FAM184A: variants seen among roughly 807,000 people sequenced by gnomAD.
FAM184A encodes the protein protein FAM184A.
In FAM184A, 99 loss-of-function variants were observed where a neutral mutation model predicts 143.8. The observed-to-expected ratio is 0.69, with a 90% CI of 0.58 to 0.81. The LOEUF (loss-of-function observed/expected upper bound fraction) is 0.81, where lower values mean the gene tolerates loss of function less well. Among genes scored for constraint, FAM184A ranks in the 40% least tolerant of loss-of-function variants. FAM184A has a pLI of 0.00. For missense variants in FAM184A, 1,217 were observed against 1,310.5 expected (o/e 0.93, Z 1.10); for synonymous variants, 427 against 446.4 (o/e 0.96, Z 0.55).
intron 1 of FAM184A, among the ~76,000 whole-genome samples, chr6:119,147,835 C>T (rs1772503382): frequency 6.6e-6 from 1 of 152,202 alleles, no homozygotes; most frequent in Admixed American, 6.5e-5. Flanking sequence ...GTGTGCCCTG[C>T]TTCCAGTTAG....
chr6:119,076,341 T>C (rs1430703807), intron 1 of FAM184A, among the ~76,000 whole-genome samples: 1 of 151,386 alleles, frequency 6.6e-6, no homozygotes. Context: ...AACCAGAGAG[T>C]CCACGTAACA....
intron 6 of FAM184A, among the ~76,000 whole-genome samples, chr6:119,007,263 A>T (rs1297665831): frequency 6.6e-6 from 1 of 152,246 alleles, no homozygotes; most frequent in African/African-American, 2.4e-5. Flanking sequence ...GCTATAAAGT[A>T]AAAACCGCAT....
At chr6:118,986,759 T>C (rs934777050) in intron 9 of FAM184A, among the ~76,000 whole-genome samples, 6 of 152,242 alleles carry the variant, frequency 3.9e-5, no homozygotes, top group African/African-American at 1.2e-4. Flanking sequence ...ATTCAATTAA[T>C]TTTAAAAATA....
chr6:119,006,000 C>T, intron 7 of FAM184A: 1 of 684,470 alleles, frequency 1.5e-6, no homozygotes, highest in South Asian at 1.5e-5. Flanking sequence ...CCCAATACCT[C>T]AGAATGTGAC....
chr6:119,103,284 G>T (rs1788691332), intron 1 of FAM184A, among the ~76,000 whole-genome samples: 1 of 152,202 alleles, frequency 6.6e-6, no homozygotes, highest in Non-Finnish European at 1.5e-5. Flanking sequence ...CTGGATCCAA[G>T]ATGACATTGA....
chr6:118,989,254 G>T (rs919497892), intron 9 of FAM184A, among the ~76,000 whole-genome samples: 9 of 151,328 alleles, frequency 5.9e-5, no homozygotes, highest in East Asian at 2.0e-4. Flanking sequence ...GAGCCACCGC[G>T]CCCAGCCTGG....
rs1034510758 is a variant in FAM184A at position 118,961,614 on chromosome 6, T to C, written c.3341+147A>G. The C allele has an allele frequency of 4.1e-6, 3 of 724,338 alleles. No homozygotes were observed. The African/African-American group carries it at 5.3e-5, about 13-fold the overall frequency. 44.9% of individuals were successfully genotyped at this position (724,338 alleles called of 1,614,324 possible). ...TTAACACAGTCAAAAGGAAGTTCTCTAGAGAGGGGATAAATATACTTTGAA... is the reference window on the plus strand; with the variant it reads ...TTAACACAGTCAAAAGGAAGTTCTCCAGAGAGGGGATAAATATACTTTGAA... On this transcript the variant is annotated intron_variant, in intron 17 of 17. Coordinates refer to ENST00000338891, the MANE Select transcript of FAM184A (RefSeq NM_024581.6).
At chr6:119,102,803 A>AAAAAAAAAAAAAAC (rs1562151169) in intron 1 of FAM184A, among the ~76,000 whole-genome samples, 1 of 142,586 alleles carries the variant, frequency 7.0e-6, no homozygotes, top group Non-Finnish European at 1.5e-5. Flanking sequence ...AAAAAAAAAA[A>AAAAAAAAAAAAAAC]AAAAGAAAAG....
At chr6:119,035,759 T>C (rs549117065) in intron 1 of FAM184A, among the ~76,000 whole-genome samples, 1 of 152,016 alleles carries the variant, frequency 6.6e-6, no homozygotes, top group African/African-American at 2.4e-5. Context: ...CCAAAAAAAA[T>C]TTTTTTTGAA....
At chr6:119,013,494 T>C (rs979615788) in intron 5 of FAM184A, among the ~76,000 whole-genome samples, 4 of 152,198 alleles carry the variant, frequency 2.6e-5, no homozygotes, top group African/African-American at 9.6e-5. Context: ...AAGAAGCAGT[T>C]ACCATGAAAC....
intron 1 of FAM184A, among the ~76,000 whole-genome samples, chr6:119,108,937 C>T (rs928333755): frequency 1.1e-4 from 17 of 152,196 alleles, no homozygotes; most frequent in African/African-American, 3.6e-4. Flanking sequence ...TACTACAAAC[C>T]TAAATCTACT....
intron 1 of FAM184A, among the ~76,000 whole-genome samples, chr6:119,052,072 T>C (rs1786791262): frequency 6.6e-6 from 1 of 152,170 alleles, no homozygotes; most frequent in Admixed American, 6.5e-5. Context: ...CACATAGTGA[T>C]CTCTATTATG....
At chr6:119,136,791 C>T (rs572282531) in intron 1 of FAM184A, among the ~76,000 whole-genome samples, 1 of 152,336 alleles carries the variant, frequency 6.6e-6, no homozygotes, top group South Asian at 2.1e-4. Context: ...GTTTGGGCCA[C>T]ATGCCCGTTT....
chr6:119,074,732 G>T (rs544087195), intron 1 of FAM184A, among the ~76,000 whole-genome samples: 3 of 152,320 alleles, frequency 2.0e-5, no homozygotes, highest in African/African-American at 7.2e-5. Context: ...AATCCATCCA[G>T]CTTCACTGCC....
intron 1 of FAM184A, among the ~76,000 whole-genome samples, chr6:119,094,733 G>T (rs925993715): frequency 6.6e-6 from 1 of 151,214 alleles, no homozygotes; most frequent in Non-Finnish European, 1.5e-5. Context: ...GAATGAAGGA[G>T]TAAGCTTACT....
chr6:119,116,515 G>C (rs1789067593), intron 1 of FAM184A, among the ~76,000 whole-genome samples: 1 of 152,118 alleles, frequency 6.6e-6, no homozygotes, highest in Non-Finnish European at 1.5e-5. Flanking sequence ...GTTGAAACCT[G>C]TTTTTAAAAA....
intron 1 of FAM184A, among the ~76,000 whole-genome samples, chr6:119,069,645 T>C (rs1787607638): frequency 1.3e-5 from 2 of 152,200 alleles, no homozygotes; most frequent in Non-Finnish European, 2.9e-5. Flanking sequence ...TTTGGCCTAA[T>C]AGGACTAGCA....
chr6:118,961,954 T>G lies in FAM184A; in HGVS notation c.3148A>C (p.Lys1050Gln), dbSNP rs1783341082. 6.2e-7 allele frequency: 1 copy of G among 1,613,830 alleles called. No individual in the cohort carries two copies. Among genetic ancestry groups the G allele is most frequent in the African/African-American group, 1.3e-5 (1 of 75,018 alleles). Residue 1050 changes from lysine to glutamine, a missense_variant, in exon 17 of 18, where the codon AAG becomes CAG. By Grantham distance (53) the Lys-to-Gln change is moderately conservative. Transcript: ENST00000338891. Reference sequence around the variant, plus strand: ...CTGTTTGTTGGTGATTTATCATTCTTCTTCTTTTGCTGCATTAAAAATAAT... The same window carrying G: ...CTGTTTGTTGGTGATTTATCATTCTGCTTCTTTTGCTGCATTAAAAATAAT... The part of the protein sequence containing the change: ...VINPLAKQKK[K>Q]NDKSPTNRFV...
In FAM184A at chr6:119,003,512, A is replaced by C; in HGVS notation, c.1926T>G (p.Thr642=). Residue 642 remains threonine, a synonymous_variant, in exon 8 of 18, where the codon ACT becomes ACG. Transcript: ENST00000338891. The part of the protein sequence containing the change: ...KMAHDLEIKW[T]ENLRQECSKL... ...AATAAAAAATGTACCTAAGATTTTC[A>C]GTCCACTTAATTTCTAAGTCATGGG... The C allele has an allele frequency of 6.2e-7, 1 of 1,610,872 alleles. No homozygotes were observed. The highest frequency in any genetic ancestry group is 8.5e-7 in the Non-Finnish European group (1 of 1,178,854).
Sources: allele counts gnomAD v4.1 joint callset (sites outside exome capture counted in the v4.1 genomes callset), GRCh38; gene constraint gnomAD v4.1.1; transcripts MANE v1.5; gene names NCBI Gene and HGNC (gene_info 2026-07-23, HGNC 2026-07-21).